PDE1C: variants seen among roughly 807,000 people sequenced by gnomAD.
PDE1C encodes the protein phosphodiesterase 1C, also known as dual specificity calcium/calmodulin-dependent 3',5'-cyclic nucleotide phosphodiesterase 1C.
PDE1C carries 62 observed loss-of-function variants against 93.1 expected under a neutral mutation model. The observed-to-expected ratio is 0.67, with a 90% CI of 0.54 to 0.82. The LOEUF (loss-of-function observed/expected upper bound fraction) is 0.82, where lower values mean the gene tolerates loss of function less well. Among genes scored for constraint, PDE1C ranks in the 40% least tolerant of loss-of-function variants. The pLI is 0.00. For synonymous variants in PDE1C, 325 were observed against 310.1 expected, an observed-to-expected ratio of 1.05 and a Z score of -0.50; for missense variants, 742 against 884.6, an observed-to-expected ratio of 0.84 and a Z score of 2.04.
intron 1 of PDE1C, among the ~76,000 whole-genome samples, chr7:32,267,205 G>A (rs564537005): frequency 6.6e-6 from 1 of 152,342 alleles, no homozygotes; most frequent in South Asian, 2.1e-4. Flanking sequence ...AGGAGACCGG[G>A]TCAGAAAGGA....
chr7:32,354,037 T>A (rs1319277993), intron 1 of PDE1C, among the ~76,000 whole-genome samples: 2 of 152,196 alleles, frequency 1.3e-5, no homozygotes, highest in African/African-American at 4.8e-5. Context: ...ATTCATTCCG[T>A]TTGCATTTGC....
At chr7:31,968,809 C>A (rs538468026) in intron 2 of PDE1C, among the ~76,000 whole-genome samples, 1 of 152,002 alleles carries the variant, frequency 6.6e-6, no homozygotes, top group Non-Finnish European at 1.5e-5. Flanking sequence ...CAGAACAGAG[C>A]CCTCAGAAAT....
intron 15 of PDE1C, among the ~76,000 whole-genome samples, chr7:31,811,917 T>C (rs564854556): frequency 1.3e-5 from 2 of 152,232 alleles, no homozygotes; most frequent in South Asian, 4.1e-4. Flanking sequence ...TTGGAAGATA[T>C]CCTGGGCACT....
the PDE1C span, chr7:31,656,408 G>A: frequency 3.7e-5 from 19 of 507,964 alleles, no homozygotes; most frequent in South Asian, 1.7e-4. Flanking sequence ...ATCCTGTGCA[G>A]TGTTTAATCC....
chr7:31,660,087 A>G, the PDE1C span, among the ~76,000 whole-genome samples: 1 of 152,094 alleles, frequency 6.6e-6, no homozygotes, highest in Non-Finnish European at 1.5e-5. Context: ...CCATGTGAAG[A>G]AGGACATGTT....
chr7:32,283,340 CT>C (rs1298986222), intron 1 of PDE1C, among the ~76,000 whole-genome samples: 2 of 151,966 alleles, frequency 1.3e-5, no homozygotes, highest in East Asian at 1.9e-4. Context: ...GCAAAAACAA[CT>C]TTTTTTTTGT....
At chr7:32,065,701 T>G (rs560292813) in intron 1 of PDE1C, among the ~76,000 whole-genome samples, 4 of 152,320 alleles carry the variant, frequency 2.6e-5, no homozygotes, top group Admixed American at 2.6e-4. Flanking sequence ...TTCGGTTATA[T>G]AGAAAGAAAA....
chr7:31,639,544 T>TTTTTTTG, the PDE1C span, among the ~76,000 whole-genome samples: 2 of 135,188 alleles, frequency 1.5e-5, no homozygotes, highest in Admixed American at 7.2e-5. Context: ...TTTTGTTTTT[T>TTTTTTTG]TTTTTTTTTT....
chr7:31,888,786 T>C (rs915659627), intron 2 of PDE1C, among the ~76,000 whole-genome samples: 65 of 151,670 alleles, frequency 4.3e-4, no homozygotes, highest in African/African-American at 1.6e-3. Context: ...GAAGAAATAA[T>C]AGACATAGGA....
At chr7:31,875,255 T>G (rs1020653975) in intron 5 of PDE1C, among the ~76,000 whole-genome samples, 1 of 152,204 alleles carries the variant, frequency 6.6e-6, no homozygotes, top group Non-Finnish European at 1.5e-5. Flanking sequence ...GAAAGGGCTC[T>G]CTATCACTAG....
intron 15 of PDE1C, among the ~76,000 whole-genome samples, chr7:31,814,081 T>TGC (rs1554345502): frequency 1.3e-5 from 2 of 149,430 alleles, no homozygotes; most frequent in Admixed American, 6.7e-5. Context: ...CATATATATG[T>TGC]ACACACACAC....
chr7:32,416,063 C>A (rs28432208), intron 1 of PDE1C, among the ~76,000 whole-genome samples: 6 of 152,114 alleles, frequency 3.9e-5, no homozygotes, highest in African/African-American at 1.4e-4. Context: ...CCCGCCTCCC[C>A]CAGGCAGCCT....
intron 7 of PDE1C, among the ~76,000 whole-genome samples, chr7:31,851,325 A>T (rs1793321117): frequency 2.0e-5 from 3 of 152,206 alleles, no homozygotes; most frequent in Admixed American, 2.0e-4. Context: ...TTGGACATGC[A>T]GATGGTGTCA....
chr7:32,067,274 C>T (rs1271054847), intron 1 of PDE1C, among the ~76,000 whole-genome samples: 19 of 151,974 alleles, frequency 1.3e-4, no homozygotes, highest in Admixed American at 4.6e-4. Context: ...TACTGTATAC[C>T]GGGTGGAAGC....
chr7:32,102,140 G>C (rs1392152359), intron 3 of PDE1C, among the ~76,000 whole-genome samples: 2 of 152,166 alleles, frequency 1.3e-5, no homozygotes, highest in Non-Finnish European at 2.9e-5. Flanking sequence ...ATGAGATTTG[G>C]TGGAGACAAA....
intron 2 of PDE1C, among the ~76,000 whole-genome samples, chr7:32,034,058 G>C (rs758600653): frequency 1.0e-5 from 1 of 98,486 alleles, no homozygotes; most frequent in Non-Finnish European, 2.3e-5. Context: ...GAGAGACTGT[G>C]TGTGTGTGTG....
At chr7:32,123,385 A>G (rs1055628210) in intron 3 of PDE1C, among the ~76,000 whole-genome samples, 4 of 151,110 alleles carry the variant, frequency 2.6e-5, no homozygotes, top group Admixed American at 6.6e-5. Flanking sequence ...TCCTGATACC[A>G]AAACCTGGCA....
chr7:32,420,245 A>ATATATATACATGTGTATATATATGTG (rs1554320806), intron 1 of PDE1C, among the ~76,000 whole-genome samples: 1 of 43,164 alleles, frequency 2.3e-5, no homozygotes, highest in Non-Finnish European at 4.8e-5. Flanking sequence ...ATATATGTGT[A>ATATATATACATGTGTATATATATGTG]TATATATACA....
At chr7:31,779,814 C>T (rs1355326700) in intron 16 of PDE1C, among the ~76,000 whole-genome samples, 1 of 152,176 alleles carries the variant, frequency 6.6e-6, no homozygotes, top group Non-Finnish European at 1.5e-5. Context: ...TCACTTTACT[C>T]AAAGTTCCAC....
Sources: gnomAD v4.1 joint callset for allele counts (sites outside exome capture counted in the v4.1 genomes callset) on GRCh38, gnomAD v4.1.1 for gene constraint, MANE v1.5 for transcripts, NCBI Gene and HGNC (gene_info 2026-07-23, HGNC 2026-07-21) for gene names.